The following STIP1 variants were observed in gnomAD, a reference collection of about 807,000 sequenced individuals.
The protein encoded by STIP1 is stress induced phosphoprotein 1, also known as stress-induced-phosphoprotein 1.
A neutral mutation model predicts 77.4 loss-of-function variants in STIP1; 16 were observed. The observed-to-expected ratio is 0.21, with a 90% CI of 0.14 to 0.31. STIP1 has a LOEUF of 0.31. STIP1 is among the 10% of genes least tolerant of loss of function. The pLI is 1.00. For missense variants in STIP1, 524 were observed against 684.8 expected, an observed-to-expected ratio of 0.77 and a Z score of 2.62; for synonymous variants, 258 against 246.6, an observed-to-expected ratio of 1.05 and a Z score of -0.44.
rs1032334817 is a variant in STIP1 at position 64,202,765 on chromosome 11, T to A, written c.1246-111T>A. The A allele has an allele frequency of 3.3e-6, 4 of 1,207,154 alleles. No homozygotes were observed. The African/African-American group carries it at 6.0e-5, about 18-fold the overall frequency. The allele number at this position is 1,207,154 out of a possible 1,614,324, so 74.8% of individuals were successfully genotyped here. ...AGTTGTCTTTCCTGATGTTGTCCCC[T>A]CTGTTTGGTGCTGGGTGAGGCATTA... On this transcript the variant is annotated intron_variant, in intron 10 of 13. Coordinates refer to ENST00000305218, the MANE Select transcript of STIP1 (RefSeq NM_006819.3).
chr11:64,200,083 TC>T, intron 9 of STIP1, 47 bp downstream of exon 9: 1 of 1,613,538 alleles, frequency 6.2e-7, no homozygotes, highest in Non-Finnish European at 8.5e-7. Context: ...TGGGTGTGCC[TC>T]CCGTGCCTGG....
At chr11:64,197,729 C>G in intron 7 of STIP1, 125 bp from the exon 8 acceptor site, 1 of 1,547,842 alleles carries the variant, frequency 6.5e-7, no homozygotes, top group Non-Finnish European at 8.8e-7. Context: ...AAGAAGGTCA[C>G]CAGAGACAAG....
At chr11:64,190,070 G>A (rs944837920) in intron 1 of STIP1, among the ~76,000 whole-genome samples, 25 of 150,746 alleles carry the variant, frequency 1.7e-4, no homozygotes, top group African/African-American at 5.6e-4. Context: ...GTGCAATCTC[G>A]GCTCACTGCA....
At position 64,190,805 on chromosome 11, in the gene STIP1, G is replaced by A. The variant is rs1019525386; in HGVS notation, c.10-2273G>A. Among the ~76,000 whole-genome samples, 3 of 151,890 alleles carry A rather than the reference G, an allele frequency of 2.0e-5. No homozygotes were observed. In the East Asian group the frequency reaches 5.8e-4, roughly 29 times the overall value. On this transcript the variant is annotated intron_variant, in intron 1 of 13. Transcript: ENST00000305218. ...AGGCCAAGAGTTTGAGACAAGCCTG[G>A]GCAATATGGTGAGACACCATTTCTA...
intron 5 of STIP1, 120 bp downstream of exon 5, chr11:64,195,933 A>G: frequency 7.1e-7 from 1 of 1,412,130 alleles, no homozygotes; most frequent in East Asian, 2.3e-5. Flanking sequence ...TTAGAGACGG[A>G]GTCTTGCTGT....
At chr11:64,186,159 C>T (rs1240722202), upstream of STIP1, 1 of 1,550,456 alleles carries the variant, frequency 6.4e-7, no homozygotes, top group Non-Finnish European at 8.7e-7. Flanking sequence ...GGGCGGGAGC[C>T]GGGGTCCCGG....
chr11:64,199,399 G>A (rs1337611236), intron 8 of STIP1, among the ~76,000 whole-genome samples: 2 of 141,996 alleles, frequency 1.4e-5, no homozygotes, highest in African/African-American at 2.6e-5. Context: ...CCAGCTACTC[G>A]GGAGGCTGAG....
intron 8 of STIP1, among the ~76,000 whole-genome samples, chr11:64,199,606 AG>A (rs1334266646): frequency 7.8e-6 from 1 of 128,990 alleles, no homozygotes; most frequent in African/African-American, 3.0e-5. Flanking sequence ...TCTGTCACCC[AG>A]GCTGGAGTGC....
At chr11:64,186,906 G>C (rs1946028387) in intron 1 of STIP1, among the ~76,000 whole-genome samples, 1 of 152,176 alleles carries the variant, frequency 6.6e-6, no homozygotes, top group African/African-American at 2.4e-5. Flanking sequence ...GCGGGAAAGG[G>C]AAGGGTGCCG....
intron 1 of STIP1, among the ~76,000 whole-genome samples, chr11:64,189,715 CTT>C (rs1946069869): frequency 6.6e-6 from 1 of 152,196 alleles, no homozygotes; most frequent in African/African-American, 2.4e-5. Context: ...CATTTGGTCT[CTT>C]AAAATGCTGG....
chr11:64,193,097 A>C lies in STIP1; in HGVS notation c.29A>C (p.Lys10Thr). The change falls in exon 2 of 14, where the codon AAA becomes ACA. Residue 10 changes from lysine to threonine, a missense_variant. Physicochemically the swap from Lys to Thr is moderately conservative, Grantham distance 78. Transcript: ENST00000305218. MEQVNELKE[K>T]GNKALSVGNI... ...CCTCAGGTCAATGAGCTGAAGGAGA[A>C]AGGCAACAAGGCCCTGAGCGTGGGT... 9 of 1,614,184 alleles carry C rather than the reference A, an allele frequency of 5.6e-6. No individual in the cohort carries two copies. The highest frequency in any genetic ancestry group is 6.8e-6 in the Non-Finnish European group (8 of 1,180,038).
At chr11:64,192,847 A>G (rs1946107625) in intron 1 of STIP1, among the ~76,000 whole-genome samples, 1 of 152,206 alleles carries the variant, frequency 6.6e-6, no homozygotes, top group South Asian at 2.1e-4. Flanking sequence ...CGTTCGTCAC[A>G]TGGGGGCCAG....
rs749094305 is a variant in STIP1, at chr11:64,204,173, G to A, written c.*47G>A. 3.1e-6 allele frequency: 5 copies of A among 1,605,172 alleles called. No homozygotes were observed. Among genetic ancestry groups the A allele is most frequent in the African/African-American group, 1.3e-5 (1 of 74,774 alleles). On this transcript the variant is annotated 3_prime_UTR_variant, in exon 14 of 14. Transcript: ENST00000305218. ...CCTTCGCCCTCATGTGGAAAGAGGA[G>A]CTGGGACCGCGGCGAGCAGCACGGA...
rs946486970 is a variant in STIP1, at chr11:64,200,370, A to G, written c.1245+77A>G. Reference sequence around the variant, plus strand: ...GGGTTTTCTCTCTCTCTCCTCATCAACATTGAGTTGATGATGATCATGATG... The same window carrying G: ...GGGTTTTCTCTCTCTCTCCTCATCAGCATTGAGTTGATGATGATCATGATG... On this transcript the variant is annotated intron_variant, in intron 10 of 13. Transcript: ENST00000305218. 4.4e-5 allele frequency: 67 copies of G among 1,531,250 alleles called. No individual in the cohort carries two copies. In the Middle Eastern group the frequency reaches 1.6e-3, roughly 36 times the overall value. 94.9% of individuals were successfully genotyped at this position (1,531,250 alleles called of 1,614,324 possible).
At chr11:64,198,757 T>TG (rs1946179990) in intron 8 of STIP1, among the ~76,000 whole-genome samples, 1 of 150,348 alleles carries the variant, frequency 6.7e-6, no homozygotes, top group South Asian at 2.1e-4. Flanking sequence ...TTTGTGGTTT[T>TG]TTTTTTTTTT....
At chr11:64,198,937 C>T (rs928949589) in intron 8 of STIP1, among the ~76,000 whole-genome samples, 36 of 151,674 alleles carry the variant, frequency 2.4e-4, no homozygotes, top group African/African-American at 8.0e-4. Flanking sequence ...CAGTGGCTCA[C>T]GCCTGTAATC....
intron 13 of STIP1, 123 bp from the exon 14 acceptor site, chr11:64,203,931 G>A: frequency 3.3e-6 from 4 of 1,197,194 alleles, no homozygotes; most frequent in Non-Finnish European, 4.9e-6. Context: ...CGGCGCCCCG[G>A]GCCTCGCCAG....
At chr11:64,185,781 C>G (rs1946005397), upstream of STIP1, 1 of 1,532,778 alleles carries the variant, frequency 6.5e-7, no homozygotes, top group Non-Finnish European at 8.7e-7. Flanking sequence ...GTTGGCAACC[C>G]TCCGCCCAAT....
rs749139749 is a variant in STIP1, at chr11:64,193,123, A to G, written c.55A>G (p.Asn19Asp). ...EKGNKALSVGNIDDALQCYSE... is the reference protein window; with the variant it reads ...EKGNKALSVGDIDDALQCYSE... The stretch of plus-strand genomic sequence containing the variant: ...AGGCAACAAGGCCCTGAGCGTGGGT[A>G]ACATCGATGATGCCTTACAGTGCTA... The change falls in exon 2 of 14, where the codon AAC becomes GAC. Residue 19 changes from asparagine (N) to aspartate (D), a missense_variant. Physicochemically the swap from Asn to Asp is conservative, Grantham distance 23. Transcript: ENST00000305218. 19 of 1,614,212 alleles carry G rather than the reference A, an allele frequency of 1.2e-5. No homozygotes were observed. In the South Asian group the frequency reaches 2.1e-4, roughly 18 times the overall value.
Sources: gnomAD v4.1 joint callset for allele counts (sites outside exome capture counted in the v4.1 genomes callset) on GRCh38, gnomAD v4.1.1 for gene constraint, MANE v1.5 for transcripts, NCBI Gene and HGNC (gene_info 2026-07-23, HGNC 2026-07-21) for gene names.